Variants in DPY19L4 observed in about 807,000 individuals in gnomAD.
DPY19L4 encodes dpy-19 like 4.
A neutral mutation model predicts 102.8 loss-of-function variants in DPY19L4; 97 were observed. The ratio of observed to expected loss-of-function variants is 0.94; its 90% confidence interval spans 0.80 to 1.12. DPY19L4 has a LOEUF of 1.12. Among genes scored for constraint, DPY19L4 ranks in the 50% most tolerant of loss-of-function variants. The pLI is 0.00. For synonymous variants in DPY19L4, 252 were observed against 283.1 expected (o/e 0.89, Z 1.10); for missense variants, 815 against 850.4 (o/e 0.96, Z 0.52).
At chr8:94,731,879 C>T (rs377239395) in intron 2 of DPY19L4, among the ~76,000 whole-genome samples, 4 of 152,052 alleles carry the variant, frequency 2.6e-5, no homozygotes, top group Middle Eastern at 3.2e-3. Flanking sequence ...GCCATTCTCC[C>T]GCCTCAGCCT....
intron 12 of DPY19L4, among the ~76,000 whole-genome samples, chr8:94,768,773 C>T (rs75783544): frequency 0.035 from 5,369 of 151,940 alleles, 285 homozygotes; most frequent in African/African-American, 0.12. Flanking sequence ...GCGGGCAGAT[C>T]GCAAGGTTGG....
intron 13 of DPY19L4, among the ~76,000 whole-genome samples, chr8:94,771,946 T>C (rs1300194201): frequency 1.3e-5 from 2 of 152,198 alleles, no homozygotes; most frequent in East Asian, 3.8e-4. Context: ...GCTTGATCAT[T>C]TTAGTGTTCT....
At chr8:94,725,699 G>A (rs1315687620) in intron 1 of DPY19L4, among the ~76,000 whole-genome samples, 2 of 151,974 alleles carry the variant, frequency 1.3e-5, no homozygotes, top group Non-Finnish European at 2.9e-5. Flanking sequence ...GCAGTGGCAC[G>A]ATCTCGGCTC....
chr8:94,780,786 G>A (rs1458868897), intron 15 of DPY19L4, among the ~76,000 whole-genome samples: 1 of 151,988 alleles, frequency 6.6e-6, no homozygotes, highest in Non-Finnish European at 1.5e-5. Flanking sequence ...TATTTATTTA[G>A]TATGTATGTG....
chr8:94,777,823 T>G (rs779580293), intron 14 of DPY19L4, 37 bp downstream of exon 14: 15 of 1,576,382 alleles, frequency 9.5e-6, no homozygotes, highest in Non-Finnish European at 8.6e-7. Flanking sequence ...CTTCTAATTA[T>G]ATAAAATCAA....
chr8:94,728,390 T>G lies in DPY19L4; in HGVS notation c.127+1949T>G, dbSNP rs78059572. ...GGAATTGTTTTCCAGTTCATTGTTTTCCATGGTCCTTGATTTTACACTCTA... is the reference window on the plus strand; with the variant it reads ...GGAATTGTTTTCCAGTTCATTGTTTGCCATGGTCCTTGATTTTACACTCTA... On this transcript the variant is annotated intron_variant, in intron 2 of 18. Coordinates refer to ENST00000414645, the MANE Select transcript of DPY19L4 (RefSeq NM_181787.3). Among the ~76,000 whole-genome samples the G allele has an allele frequency of 1.3e-3, 198 of 152,360 alleles. No individual in the cohort carries two copies. In the East Asian group the frequency reaches 0.032, roughly 25 times the overall value.
chr8:94,790,113 ACT>A lies in DPY19L4; in HGVS notation c.*206_*207del. The A allele has an allele frequency of 2.2e-6, 1 of 448,452 alleles. No homozygotes were observed. The highest frequency in any genetic ancestry group is 4.0e-5 in the East Asian group (1 of 25,048). The allele number at this position is 448,452 out of a possible 1,614,324, so 27.8% of individuals were successfully genotyped here. A position where few individuals can be genotyped will look rare whatever the true frequency, so the allele number is the denominator to read the frequency against. The stretch of plus-strand genomic sequence containing the variant: ...CCTTTGATTAAATGTGATATCTACC[ACT>A]CTGCAATATTCCAGACAGGTGTCTT... On this transcript the variant is annotated 3_prime_UTR_variant, in exon 19 of 19. Coordinates refer to ENST00000414645, the MANE Select transcript of DPY19L4 (RefSeq NM_181787.3).
chr8:94,725,550 A>G (rs1810649646), intron 1 of DPY19L4, among the ~76,000 whole-genome samples: 1 of 152,204 alleles, frequency 6.6e-6, no homozygotes, highest in Admixed American at 6.5e-5. Context: ...AAGATTGTAC[A>G]ATGCTAATGA....
chr8:94,730,739 CTG>C (rs1302021231), intron 2 of DPY19L4, among the ~76,000 whole-genome samples: 121 of 141,358 alleles, frequency 8.6e-4, no homozygotes, highest in African/African-American at 3.0e-3. Context: ...GAGCGAAACT[CTG>C]TCTCTTTTTT....
chr8:94,776,498 T>C (rs1343134821), intron 13 of DPY19L4, among the ~76,000 whole-genome samples: 1 of 150,514 alleles, frequency 6.6e-6, no homozygotes. Context: ...GGGCCATATA[T>C]CTACATTAAA....
chr8:94,783,167 TAATG>T (rs745346250), intron 16 of DPY19L4, among the ~76,000 whole-genome samples: 2 of 152,166 alleles, frequency 1.3e-5, no homozygotes, highest in Non-Finnish European at 2.9e-5. Flanking sequence ...GGACTTGGGA[TAATG>T]ATTCAGAGTG....
rs759395019 is a variant in DPY19L4 at position 94,739,802 on chromosome 8, GT to G, written c.611+16del. 1.2e-6 allele frequency: 2 copies of G among 1,610,132 alleles called. No homozygotes were observed. Among genetic ancestry groups the G allele is most frequent in the African/African-American group, 1.3e-5 (1 of 74,898 alleles). On this transcript the variant is annotated intron_variant, in intron 6 of 18. Coordinates refer to ENST00000414645, the MANE Select transcript of DPY19L4 (RefSeq NM_181787.3). ...TTCGTTATTAACAGGTAAGAAAGCT[GT>G]TTTAATTGATTTTTAAAAACTTTTT... is the stretch of plus-strand genomic sequence containing the variant.
At position 94,720,623 on chromosome 8, in the gene DPY19L4, T is replaced by C. The variant is rs1480179545; in HGVS notation, c.16+609T>C. Among the ~76,000 whole-genome samples the C allele has an allele frequency of 3.9e-5, 6 of 152,132 alleles. 1 individual carries two copies. Among genetic ancestry groups the C allele is most frequent in the Non-Finnish European group, 8.8e-5 (6 of 68,020 alleles). On this transcript the variant is annotated intron_variant, in intron 1 of 18. Transcript: ENST00000414645. The stretch of plus-strand genomic sequence containing the variant: ...GGGAGATGATGAGGCCAGGAGGCCT[T>C]TGAGGGTCAAAGTGGGTGAGCTGGA...
chr8:94,744,362 G>C (rs762277461), intron 6 of DPY19L4: 8 of 456,684 alleles, frequency 1.8e-5, no homozygotes, highest in Middle Eastern at 6.5e-4. Flanking sequence ...CAACTTGGCA[G>C]CTGGTCTCCC....
chr8:94,730,038 G>T (rs532997299), intron 2 of DPY19L4, among the ~76,000 whole-genome samples: 1 of 150,576 alleles, frequency 6.6e-6, no homozygotes, highest in Non-Finnish European at 1.5e-5. Context: ...TAAAATTTTG[G>T]CATAAGTGTG....
chr8:94,768,634 A>G, intron 12 of DPY19L4, 81 bp downstream of exon 12: 2 of 858,578 alleles, frequency 2.3e-6, no homozygotes, highest in South Asian at 2.7e-5. Context: ...TATTCTTCCA[A>G]GATTTCTGTA....
chr8:94,793,687 CATT>C lies in DPY19L4; in HGVS notation c.*3779_*3781del, dbSNP rs1813939561. On this transcript the variant is annotated 3_prime_UTR_variant, in exon 19 of 19. Transcript: ENST00000414645. The stretch of plus-strand genomic sequence containing the variant: ...GCAATTTCCTATTCAAACAGGATCT[CATT>C]AGTATGTTTTTTAATGTGTAGAATT... 3 of 152,184 alleles carry C rather than the reference CATT, an allele frequency of 2.0e-5. No individual in the cohort carries two copies. In the South Asian group the frequency reaches 6.2e-4, roughly 32 times the overall value. 9.4% of individuals were successfully genotyped at this position (152,184 alleles called of 1,614,324 possible).
Position 94,754,429 on chromosome 8 carries a change from T to C in DPY19L4, c.612-1607T>C, listed in dbSNP as rs535674616. 2.6e-5 allele frequency among the ~76,000 whole-genome samples: 4 copies of C among 152,314 alleles called. No homozygotes were observed. The South Asian group carries it at 8.3e-4, about 32-fold the overall frequency. On this transcript the variant is annotated intron_variant, in intron 6 of 18. Transcript: ENST00000414645. ...CTGTGAGGATGTAACATTTGTAATT[T>C]TGATTATTTGCAAACAATTCAGTAG...
At position 94,790,642 on chromosome 8, in the gene DPY19L4, A is replaced by G. The variant is rs1463074396; in HGVS notation, c.*732A>G. On this transcript the variant is annotated 3_prime_UTR_variant, in exon 19 of 19. Transcript: ENST00000414645. ...ATACCAATTTAATCATGATAAAACA[A>G]TAACCGTTAACATATATTTTGTTAA... 1 of 152,114 alleles carries G rather than the reference A, an allele frequency of 6.6e-6. No homozygotes were observed. Among genetic ancestry groups the G allele is most frequent in the African/African-American group, 2.4e-5 (1 of 41,454 alleles). The allele number at this position is 152,114 out of a possible 1,614,324, so 9.4% of individuals were successfully genotyped here.
Sources: allele counts gnomAD v4.1 joint callset (sites outside exome capture counted in the v4.1 genomes callset), GRCh38; gene constraint gnomAD v4.1.1; transcripts MANE v1.5; gene names NCBI Gene and HGNC (gene_info 2026-07-23, HGNC 2026-07-21).